The following KDM4B variants were observed in gnomAD, a reference collection of about 807,000 sequenced individuals.
The protein encoded by KDM4B is lysine demethylase 4B.
KDM4B carries 32 observed loss-of-function variants against 125.2 expected under a neutral mutation model. The ratio of observed to expected loss-of-function variants is 0.26; its 90% confidence interval spans 0.19 to 0.34. The LOEUF (loss-of-function observed/expected upper bound fraction) is 0.34. Ranked by LOEUF, KDM4B falls within the 10% of genes least tolerant of loss-of-function variation. The pLI is 1.00. For missense variants in KDM4B, 1,190 were observed against 1,577.7 expected, an observed-to-expected ratio of 0.75 and a Z score of 4.16; for synonymous variants, 721 against 677.9, an observed-to-expected ratio of 1.06 and a Z score of -0.99.
At chr19:5,003,334 A>T (rs2035451408) in intron 1 of KDM4B, among the ~76,000 whole-genome samples, 1 of 152,092 alleles carries the variant, frequency 6.6e-6, no homozygotes, top group African/African-American at 2.4e-5. Context: ...AATAAAAATT[A>T]GCTGGGTGTG....
At chr19:5,138,910 T>C (rs2039695248) in intron 18 of KDM4B, among the ~76,000 whole-genome samples, 1 of 152,190 alleles carries the variant, frequency 6.6e-6, no homozygotes, top group Admixed American at 6.5e-5. Context: ...GTACAGTCTT[T>C]ATTCTTCTGC....
At position 5,141,300 on chromosome 19, in the gene KDM4B, G is replaced by T. The variant is rs961738429; in HGVS notation, c.2551-2667G>T. The T allele has an allele frequency of 6.6e-6, 1 of 152,184 alleles. No individual in the cohort carries two copies. The highest frequency in any genetic ancestry group is 2.1e-4 in the South Asian group (1 of 4,832). The allele number at this position is 152,184 out of a possible 1,614,324, so 9.4% of individuals were successfully genotyped here. A position where few individuals can be genotyped will look rare whatever the true frequency, so the allele number is the denominator to read the frequency against. On this transcript the variant is annotated intron_variant, in intron 18 of 22. Transcript: ENST00000159111. This position sits in a 1 kb window ranked among gnomAD's most constrained non-coding sequence, Gnocchi z 6.4. ...CAGGCGATTAGGAAGCCGGCAGCCCGCGGGTGATGCTTCCGAGGCACCAGT... is the reference window on the plus strand; with the variant it reads ...CAGGCGATTAGGAAGCCGGCAGCCCTCGGGTGATGCTTCCGAGGCACCAGT...
chr19:5,094,864 A>G (rs1448171733), intron 9 of KDM4B, among the ~76,000 whole-genome samples: 1 of 152,194 alleles, frequency 6.6e-6, no homozygotes, highest in Non-Finnish European at 1.5e-5. Flanking sequence ...CTTTGCTAAT[A>G]GCCGGGTGGG....
At chr19:5,005,352 C>G (rs746115499) in intron 1 of KDM4B, among the ~76,000 whole-genome samples, 1 of 152,220 alleles carries the variant, frequency 6.6e-6, no homozygotes, top group Non-Finnish European at 1.5e-5. Flanking sequence ...GGGCATAGAT[C>G]AGTGTGGGCA....
At chr19:5,120,752 TC>T (rs2039345487) in intron 11 of KDM4B, among the ~76,000 whole-genome samples, 1 of 152,050 alleles carries the variant, frequency 6.6e-6, no homozygotes, top group Non-Finnish European at 1.5e-5. Context: ...CAGCTAGGGC[TC>T]CCCGCTGGGA....
chr19:5,027,269 C>G (rs1335015409), intron 2 of KDM4B, among the ~76,000 whole-genome samples: 1 of 152,222 alleles, frequency 6.6e-6, no homozygotes, highest in Non-Finnish European at 1.5e-5. Flanking sequence ...GGCGCCCACC[C>G]CAAATCACAG....
intron 1 of KDM4B, among the ~76,000 whole-genome samples, chr19:4,974,206 G>A (rs569160503): frequency 6.6e-6 from 1 of 151,882 alleles, no homozygotes; most frequent in East Asian, 2.0e-4. Context: ...GACCATCCTG[G>A]CTAACACCGT....
chr19:4,988,116 C>A (rs1352938207), intron 1 of KDM4B, among the ~76,000 whole-genome samples: 1 of 152,164 alleles, frequency 6.6e-6, no homozygotes, highest in Non-Finnish European at 1.5e-5. Flanking sequence ...GAGCTGGGGC[C>A]CTCCGTTCAG....
chr19:4,998,539 T>C (rs1464435114), intron 1 of KDM4B, among the ~76,000 whole-genome samples: 1 of 152,212 alleles, frequency 6.6e-6, no homozygotes, highest in Non-Finnish European at 1.5e-5. Context: ...ATGACATCCC[T>C]TTACCTCTCC....
At chr19:5,000,977 C>G (rs760857036) in intron 1 of KDM4B, among the ~76,000 whole-genome samples, 1 of 152,114 alleles carries the variant, frequency 6.6e-6, no homozygotes, top group Admixed American at 6.5e-5. Context: ...TCGTTAGTCT[C>G]TGGCTCAGCC....
intron 1 of KDM4B, among the ~76,000 whole-genome samples, chr19:4,979,817 T>C (rs868750272): frequency 6.6e-6 from 1 of 152,310 alleles, no homozygotes; most frequent in African/African-American, 2.4e-5. Flanking sequence ...AAGTATACAA[T>C]TCAGGCTGGG....
chr19:5,059,434 G>A (rs1435028041), intron 6 of KDM4B, among the ~76,000 whole-genome samples: 1 of 152,194 alleles, frequency 6.6e-6, no homozygotes, highest in African/African-American at 2.4e-5. Context: ...TGACCTGATT[G>A]CGAGCCAAGC....
rs965107408 is a variant in KDM4B at position 5,035,489 on chromosome 19, G to A, written c.141+2458G>A. Reference sequence around the variant, plus strand: ...TCCGGCTCTCTCTGCCCTCCACGTGGCGGCCTTGGGTGCAGCCTGGGTTCC... The same window carrying A: ...TCCGGCTCTCTCTGCCCTCCACGTGACGGCCTTGGGTGCAGCCTGGGTTCC... On this transcript the variant is annotated intron_variant, in intron 3 of 22. Transcript: ENST00000159111. The surrounding 1 kb of genome is among the most constrained non-coding windows in gnomAD (Gnocchi z 5.3). Among the ~76,000 whole-genome samples, 10 of 152,052 alleles carry A rather than the reference G, an allele frequency of 6.6e-5. No individual in the cohort carries two copies. The highest frequency in any genetic ancestry group is 5.9e-4 in the Admixed American group (9 of 15,278).
intron 1 of KDM4B, among the ~76,000 whole-genome samples, chr19:4,991,867 G>A (rs2035041064): frequency 6.6e-6 from 1 of 152,166 alleles, no homozygotes; most frequent in South Asian, 2.1e-4. Flanking sequence ...TTAACCTCTT[G>A]GGATTGGGTT....
chr19:4,980,771 G>A (rs1050841662), intron 1 of KDM4B, among the ~76,000 whole-genome samples: 3 of 152,062 alleles, frequency 2.0e-5, no homozygotes, highest in Admixed American at 2.0e-4. Context: ...CCCTGTGCGG[G>A]GGGTGTCCTG....
chr19:5,094,504 G>GCA (rs1225305195), intron 9 of KDM4B, among the ~76,000 whole-genome samples: 1 of 152,240 alleles, frequency 6.6e-6, no homozygotes, highest in Non-Finnish European at 1.5e-5. Flanking sequence ...GAGAGATGGG[G>GCA]CAGGGAGCCC....
At chr19:5,026,678 A>T (rs750260431) in intron 2 of KDM4B, among the ~76,000 whole-genome samples, 2 of 151,944 alleles carry the variant, frequency 1.3e-5, no homozygotes. Context: ...TGCCCTTGGG[A>T]TGGGTCAGGG....
intron 6 of KDM4B, among the ~76,000 whole-genome samples, chr19:5,061,041 C>T (rs2249152): frequency 0.39 from 60,011 of 152,048 alleles, 12,753 homozygotes; most frequent in East Asian, 0.9. Context: ...GAAGTTCGCA[C>T]GGATCCTCAG....
chr19:5,029,826 CA>C (rs777936914), intron 2 of KDM4B, among the ~76,000 whole-genome samples: 2 of 152,218 alleles, frequency 1.3e-5, no homozygotes, highest in Admixed American at 1.3e-4. Flanking sequence ...GATGCTGTCT[CA>C]AAAAACAATA....
Sources: gnomAD v4.1 joint callset for allele counts (sites outside exome capture counted in the v4.1 genomes callset) on GRCh38, gnomAD v4.1.1 for gene constraint, Gnocchi (gnomAD v3.1) non-coding constraint, MANE v1.5 for transcripts, NCBI Gene and HGNC (gene_info 2026-07-23, HGNC 2026-07-21) for gene names.